The following TMC1 variants were observed in gnomAD, a reference collection of about 807,000 sequenced individuals.
The protein encoded by TMC1 is transmembrane channel-like protein 1.
A neutral mutation model predicts 105.8 loss-of-function variants in TMC1; 84 were observed. The observed-to-expected ratio is 0.79, with a 90% CI of 0.67 to 0.95. The LOEUF is 0.95. Ranked by LOEUF, TMC1 falls within the 40% of genes least tolerant of loss-of-function variation. TMC1 has a pLI of 0.00. For synonymous variants in TMC1, 315 were observed against 311.5 expected (o/e 1.01, Z -0.12); for missense variants, 817 against 914.1 (o/e 0.89, Z 1.37).
At chr9:72,581,116 A>C (rs988671741) in intron 2 of TMC1, among the ~76,000 whole-genome samples, 2 of 152,252 alleles carry the variant, frequency 1.3e-5, no homozygotes, top group African/African-American at 4.8e-5. Flanking sequence ...AATTTATTCC[A>C]ATACTTTAGC....
At chr9:72,744,962 T>C (rs1367699470) in intron 10 of TMC1, among the ~76,000 whole-genome samples, 1 of 152,152 alleles carries the variant, frequency 6.6e-6, no homozygotes, top group African/African-American at 2.4e-5. Context: ...CCTTCAGTTA[T>C]CTCCTCTCTT....
intron 8 of TMC1, 49 bp from the exon 9 acceptor site, chr9:72,740,070 C>A: frequency 1.4e-6 from 2 of 1,423,866 alleles, no homozygotes; most frequent in Non-Finnish European, 2.0e-6. Context: ...GTATTCTAGT[C>A]ATTGCAACTC....
chr9:72,767,030 C>G (rs987072466), intron 12 of TMC1, among the ~76,000 whole-genome samples: 2 of 152,180 alleles, frequency 1.3e-5, no homozygotes, highest in Admixed American at 6.5e-5. Context: ...CCTTTTCACT[C>G]CTTGTTTCTT....
chr9:72,740,080 C>T (rs762969441), intron 8 of TMC1, 39 bp from the exon 9 acceptor site: 4 of 1,517,610 alleles, frequency 2.6e-6, no homozygotes, highest in East Asian at 2.3e-5. Context: ...CATTGCAACT[C>T]ACCTCCTTTT....
intron 1 of TMC1, among the ~76,000 whole-genome samples, chr9:72,547,762 A>C (rs1823796350): frequency 1.3e-5 from 2 of 152,224 alleles, no homozygotes; most frequent in African/African-American, 2.4e-5. Context: ...AACAGAAACT[A>C]TTCTATACCC....
At chr9:72,679,025 C>A (rs1401882379) in intron 5 of TMC1, among the ~76,000 whole-genome samples, 5 of 151,998 alleles carry the variant, frequency 3.3e-5, no homozygotes, top group Non-Finnish European at 5.9e-5. Flanking sequence ...TAGTTTCTTT[C>A]TTTTGTTTTC....
At chr9:72,538,369 A>G (rs983180653) in intron 1 of TMC1, among the ~76,000 whole-genome samples, 2 of 151,004 alleles carry the variant, frequency 1.3e-5, no homozygotes, top group South Asian at 2.1e-4. Flanking sequence ...CAAAATGTCA[A>G]ATAAATATAT....
chr9:72,815,636 A>G (rs535168684), intron 18 of TMC1, among the ~76,000 whole-genome samples: 1 of 152,308 alleles, frequency 6.6e-6, no homozygotes, highest in South Asian at 2.1e-4. Flanking sequence ...GTACATAAAT[A>G]TTCTTTCAAA....
intron 5 of TMC1, among the ~76,000 whole-genome samples, chr9:72,666,048 A>T (rs1826037304): frequency 6.6e-6 from 1 of 152,196 alleles, no homozygotes; most frequent in African/African-American, 2.4e-5. Flanking sequence ...GACTACATAA[A>T]TGTTTTAGTG....
chr9:72,658,683 C>T, intron 5 of TMC1, among the ~76,000 whole-genome samples: 1 of 152,080 alleles, frequency 6.6e-6, no homozygotes, highest in East Asian at 1.9e-4. Flanking sequence ...CCTTCTGAGC[C>T]AAGTACATGC....
intron 23 of TMC1, among the ~76,000 whole-genome samples, chr9:72,832,721 A>G (rs1330576018): frequency 6.6e-6 from 1 of 152,126 alleles, no homozygotes; most frequent in Non-Finnish European, 1.5e-5. Context: ...GCATAAATGT[A>G]AAGTTGAATG....
rs76744904 is a variant in TMC1, at chr9:72,548,037, A to G, written c.-428+26124A>G. Among the ~76,000 whole-genome samples, 1,126 of 152,214 alleles carry G rather than the reference A, an allele frequency of 7.4e-3. 8 individuals are homozygous for G. Among genetic ancestry groups the G allele is most frequent in the Admixed American group, 0.015 (228 of 15,268 alleles). On this transcript the variant is annotated intron_variant, in intron 1 of 23. Transcript: ENST00000297784. Reference sequence around the variant, plus strand: ...TCTTAGAAGAACATTAATCCTATTTATGAGCACTCTACCTTCGCAACCAAA... The same window carrying G: ...TCTTAGAAGAACATTAATCCTATTTGTGAGCACTCTACCTTCGCAACCAAA...
At chr9:72,648,020 T>C (rs1028420590) in intron 4 of TMC1, among the ~76,000 whole-genome samples, 7 of 152,160 alleles carry the variant, frequency 4.6e-5, no homozygotes, top group Non-Finnish European at 1.5e-5. Flanking sequence ...CTCAGAAAAA[T>C]AGCACTTTCT....
In TMC1 at chr9:72,836,349, G is replaced by T. The variant is rs1265327302; in HGVS notation, c.*376G>T. ...AACTTTCATTTTATATGTTTCTTTTGCCTGAGTTTCCTTAAACTGAGAGCA... is the reference window on the plus strand; with the variant it reads ...AACTTTCATTTTATATGTTTCTTTTTCCTGAGTTTCCTTAAACTGAGAGCA... On this transcript the variant is annotated 3_prime_UTR_variant, in exon 24 of 24. Coordinates refer to ENST00000297784, the MANE Select transcript of TMC1 (RefSeq NM_138691.3). 9.4e-6 allele frequency: 2 copies of T among 213,824 alleles called. No individual in the cohort carries two copies. The highest frequency in any genetic ancestry group is 1.0e-4 in the East Asian group (1 of 9,792). 13.2% of individuals were successfully genotyped at this position (213,824 alleles called of 1,614,324 possible).
chr9:72,730,946 T>C (rs1827202967), intron 8 of TMC1, among the ~76,000 whole-genome samples: 1 of 152,198 alleles, frequency 6.6e-6, no homozygotes. Context: ...TAATATGAGT[T>C]AGCAATGGGT....
At chr9:72,575,090 A>C (rs964292743) in intron 1 of TMC1, among the ~76,000 whole-genome samples, 1 of 151,976 alleles carries the variant, frequency 6.6e-6, no homozygotes, top group Non-Finnish European at 1.5e-5. Context: ...CCATCTTTCT[A>C]CTTATATAGA....
intron 2 of TMC1, among the ~76,000 whole-genome samples, chr9:72,612,356 T>C (rs1825042496): frequency 6.6e-6 from 1 of 152,046 alleles, no homozygotes; most frequent in Admixed American, 6.6e-5. Context: ...ATTTTTTTTG[T>C]AGAGACAGGG....
At chr9:72,738,946 G>A (rs1167627402) in intron 8 of TMC1, among the ~76,000 whole-genome samples, 2 of 151,912 alleles carry the variant, frequency 1.3e-5, no homozygotes, top group Non-Finnish European at 2.9e-5. Context: ...CTGAAGACAA[G>A]CCTGGATTGC....
chr9:72,526,049 C>T (rs183916299), intron 1 of TMC1, among the ~76,000 whole-genome samples: 30 of 151,900 alleles, frequency 2.0e-4, no homozygotes, highest in Admixed American at 1.0e-3. Flanking sequence ...GAGTGTCATT[C>T]GCTAATCTTG....
Sources: gnomAD v4.1 joint callset for allele counts (sites outside exome capture counted in the v4.1 genomes callset) on GRCh38, gnomAD v4.1.1 for gene constraint, MANE v1.5 for transcripts, NCBI Gene and HGNC (gene_info 2026-07-23, HGNC 2026-07-21) for gene names.